The following SVIL variants were observed in gnomAD, a reference collection of about 807,000 sequenced individuals.
SVIL encodes the protein archvillin.
In SVIL, 101 loss-of-function variants were observed where a neutral mutation model predicts 240.4. The observed-to-expected ratio is 0.42, with a 90% CI of 0.36 to 0.50. SVIL has a LOEUF of 0.50. SVIL is among the 20% of genes least tolerant of loss of function. The pLI is 0.01. For missense variants in SVIL, 2,512 were observed against 2,818.7 expected (o/e 0.89, Z 2.46); for synonymous variants, 999 against 1,100.0 (o/e 0.91, Z 1.82).
intron 1 of SVIL, among the ~76,000 whole-genome samples, chr10:29,596,546 T>C (rs1003104093): frequency 2.0e-5 from 3 of 151,810 alleles, no homozygotes; most frequent in Admixed American, 6.6e-5. Flanking sequence ...CATCCAGCAA[T>C]AGAGGAATTA....
intron 2 of SVIL, among the ~76,000 whole-genome samples, chr10:29,667,943 C>T (rs533801048): frequency 7.9e-5 from 12 of 152,018 alleles, no homozygotes; most frequent in African/African-American, 2.2e-4. Context: ...TTTCTAAAAG[C>T]AGCTCAGAGA....
At chr10:29,593,676 T>C (rs554819158) in intron 1 of SVIL, among the ~76,000 whole-genome samples, 12 of 152,362 alleles carry the variant, frequency 7.9e-5, no homozygotes, top group African/African-American at 2.9e-4. Flanking sequence ...ATTTACAATG[T>C]AATATTTTGG....
chr10:29,557,740 T>G (rs1488122348), intron 3 of SVIL, among the ~76,000 whole-genome samples: 2 of 152,168 alleles, frequency 1.3e-5, no homozygotes, highest in Non-Finnish European at 2.9e-5. Context: ...AGGTAGACTT[T>G]CCTACTGCCC....
chr10:29,733,446 TC>T (rs1964729380), intron 1 of SVIL, among the ~76,000 whole-genome samples: 1 of 152,072 alleles, frequency 6.6e-6, no homozygotes, highest in Non-Finnish European at 1.5e-5. Flanking sequence ...CACCTCAGCA[TC>T]CCAAGTAGCT....
At chr10:29,585,978 A>G (rs1270407197) in intron 1 of SVIL, among the ~76,000 whole-genome samples, 1 of 152,254 alleles carries the variant, frequency 6.6e-6, no homozygotes. Flanking sequence ...TTGGTCCATG[A>G]GCCATAACCC....
rs1686248587 is a variant in SVIL at position 29,458,072 on chromosome 10, A to C, written c.*175T>G. 1.6e-6 allele frequency: 1 copy of C among 637,862 alleles called. No homozygotes were observed. Among genetic ancestry groups the C allele is most frequent in the African/African-American group, 1.9e-5 (1 of 53,988 alleles). 39.5% of individuals were successfully genotyped at this position (637,862 alleles called of 1,614,324 possible). On this transcript the variant is annotated 3_prime_UTR_variant, in exon 38 of 38. Transcript: ENST00000355867. ...AAGAAGTTTCCAAACAGTTCCCTTG[A>C]ACATTTACAAAATACACAACTCCGG...
intron 16 of SVIL, among the ~76,000 whole-genome samples, chr10:29,517,249 C>T (rs898838082): frequency 2.0e-5 from 3 of 151,370 alleles, no homozygotes; most frequent in Admixed American, 6.6e-5. Flanking sequence ...CCCGTCTCTA[C>T]AAAAAAATAA....
At chr10:29,538,890 G>C (rs1267769381) in intron 6 of SVIL, among the ~76,000 whole-genome samples, 2 of 152,216 alleles carry the variant, frequency 1.3e-5, no homozygotes, top group Non-Finnish European at 1.5e-5. Context: ...GCCAGGTGTG[G>C]TGGCTCACGC....
chr10:29,500,324 C>T (rs183092899), intron 17 of SVIL, among the ~76,000 whole-genome samples: 455 of 152,074 alleles, frequency 3.0e-3, no homozygotes, highest in African/African-American at 5.0e-3. Flanking sequence ...CTGTTTATGG[C>T]GAGGCACTGG....
intron 3 of SVIL, among the ~76,000 whole-genome samples, chr10:29,654,565 C>T (rs927772398): frequency 3.3e-5 from 5 of 152,138 alleles, no homozygotes; most frequent in East Asian, 1.9e-4. Flanking sequence ...CAGCACAATA[C>T]TGTATTAGTC....
chr10:29,635,826 A>G (rs985710757), upstream of SVIL, among the ~76,000 whole-genome samples: 3 of 152,120 alleles, frequency 2.0e-5, no homozygotes, highest in African/African-American at 7.2e-5. Context: ...CACAAACCCC[A>G]TAAGACTTGG....
chr10:29,479,618 G>A (rs571552317), intron 29 of SVIL, among the ~76,000 whole-genome samples: 13 of 152,298 alleles, frequency 8.5e-5, no homozygotes, highest in East Asian at 5.8e-4. Context: ...AGTGTCTTCC[G>A]TAGAGTAGGT....
Position 29,465,109 on chromosome 10 carries a change from G to T in SVIL, c.6133+486C>A, listed in dbSNP as rs1944741511. 3.3e-5 allele frequency among the ~76,000 whole-genome samples: 5 copies of T among 152,226 alleles called. 1 individual carries two copies. The South Asian group carries it at 1.0e-3, about 31-fold the overall frequency. On this transcript the variant is annotated intron_variant, in intron 34 of 37. Coordinates refer to ENST00000355867, the MANE Select transcript of SVIL (RefSeq NM_021738.3). ...TGTGACAGGCTCCGGCCAATGGGAT[G>T]TAAGCAGAAGTCTGCTGGGGGCTTC... is the stretch of plus-strand genomic sequence containing the variant.
At chr10:29,700,143 GCT>G (rs1287660960) in intron 1 of SVIL, among the ~76,000 whole-genome samples, 4 of 152,300 alleles carry the variant, frequency 2.6e-5, no homozygotes, top group Admixed American at 1.3e-4. Context: ...CAAACGCTTT[GCT>G]GAGACAGAAG....
intron 1 of SVIL, among the ~76,000 whole-genome samples, chr10:29,711,313 C>A (rs1963261981): frequency 6.6e-6 from 1 of 152,130 alleles, no homozygotes; most frequent in Non-Finnish European, 1.5e-5. Flanking sequence ...GGCAGGAGAA[C>A]CACTTGAACC....
chr10:29,458,230 C>T lies in SVIL; in HGVS notation c.*17G>A, dbSNP rs1183561867. The stretch of plus-strand genomic sequence containing the variant: ...GTTGTTGGACGTGACCGTGAGGCTC[C>T]TCTGGCGTCTCCCCACTCAGAACAG... On this transcript the variant is annotated 3_prime_UTR_variant, in exon 38 of 38. Coordinates refer to ENST00000355867, the MANE Select transcript of SVIL (RefSeq NM_021738.3). 11 of 1,586,424 alleles carry T rather than the reference C, an allele frequency of 6.9e-6. No individual in the cohort carries two copies. Among genetic ancestry groups the T allele is most frequent in the Non-Finnish European group, 9.5e-6 (11 of 1,162,934 alleles).
At chr10:29,677,248 C>T (rs967050284) in intron 2 of SVIL, among the ~76,000 whole-genome samples, 7 of 152,164 alleles carry the variant, frequency 4.6e-5, no homozygotes, top group Non-Finnish European at 8.8e-5. Context: ...CTTTCCACCC[C>T]CAAGTAGTGT....
In SVIL at chr10:29,527,765, G is replaced by A. The variant is rs1270351543; in HGVS notation, c.2247-709C>T. The stretch of plus-strand genomic sequence containing the variant: ...TTTTTTGACAGAGTCTCACTCTGTC[G>A]CCCAGGCTGGAATGCAGTGGCGCGA... On this transcript the variant is annotated intron_variant, in intron 12 of 37. Transcript: ENST00000355867. Among the ~76,000 whole-genome samples the A allele has an allele frequency of 6.1e-5, 7 of 114,146 alleles. No individual in the cohort carries two copies. In the South Asian group the frequency reaches 8.7e-4, roughly 14 times the overall value. The allele number at this position is 114,146 out of a possible 152,430, so 74.9% of individuals were successfully genotyped here.
At chr10:29,623,621 C>T (rs1456488162) in intron 1 of SVIL, among the ~76,000 whole-genome samples, 4 of 152,150 alleles carry the variant, frequency 2.6e-5, no homozygotes, top group South Asian at 2.1e-4. Context: ...GAGGCCAAGG[C>T]GGGTGGATCA....
Sources: gnomAD v4.1 joint callset for allele counts (sites outside exome capture counted in the v4.1 genomes callset) on GRCh38, gnomAD v4.1.1 for gene constraint, MANE v1.5 for transcripts, NCBI Gene and HGNC (gene_info 2026-07-23, HGNC 2026-07-21) for gene names.